The following FAR1 variants were observed in gnomAD, a reference collection of about 807,000 sequenced individuals.
FAR1 encodes fatty acyl-CoA reductase 1.
FAR1 carries 22 observed loss-of-function variants against 61.1 expected under a neutral mutation model. The observed-to-expected ratio is 0.36, with a 90% CI of 0.26 to 0.51. FAR1 has a LOEUF of 0.51. Among genes scored for constraint, FAR1 ranks in the 20% least tolerant of loss-of-function variants. The pLI, the probability that FAR1 is intolerant of heterozygous loss-of-function variation, is 0.95. For missense variants in FAR1, 359 were observed against 626.9 expected, an observed-to-expected ratio of 0.57 and a Z score of 4.56; for synonymous variants, 206 against 209.7, an observed-to-expected ratio of 0.98 and a Z score of 0.15.
chr11:13,727,501 T>C, intron 10 of FAR1, 55 bp from the exon 11 acceptor site: 1 of 1,514,514 alleles, frequency 6.6e-7, no homozygotes, highest in Non-Finnish European at 8.9e-7. Flanking sequence ...AATTTCTGAC[T>C]GGTTGTGAGA....
At chr11:13,685,845 C>A (rs1167231098) in intron 1 of FAR1, among the ~76,000 whole-genome samples, 1 of 152,126 alleles carries the variant, frequency 6.6e-6, no homozygotes, top group African/African-American at 2.4e-5. Flanking sequence ...TTCTGTGGAG[C>A]AGATTTTTGT....
At chr11:13,727,755 T>A in intron 11 of FAR1, 72 bp downstream of exon 11, 1 of 1,400,658 alleles carries the variant, frequency 7.1e-7, no homozygotes, top group South Asian at 1.4e-5. Context: ...TTTGGTAAAC[T>A]GGTATATTTG....
chr11:13,708,573 A>G (rs191998265), intron 4 of FAR1, among the ~76,000 whole-genome samples: 1 of 152,152 alleles, frequency 6.6e-6, no homozygotes, highest in Admixed American at 6.5e-5. Flanking sequence ...GTCAATGTGT[A>G]GTTTTCACTT....
chr11:13,718,577 C>T (rs1254669729), intron 9 of FAR1, among the ~76,000 whole-genome samples: 1 of 152,138 alleles, frequency 6.6e-6, no homozygotes, highest in Admixed American at 6.5e-5. Flanking sequence ...AAGCCAATAC[C>T]ACATGTTTTA....
intron 1 of FAR1, among the ~76,000 whole-genome samples, chr11:13,689,499 A>T (rs979111697): frequency 6.6e-6 from 1 of 152,276 alleles, no homozygotes; most frequent in African/African-American, 2.4e-5. Flanking sequence ...ATTGTTTTTA[A>T]ATATTTCATC....
At chr11:13,723,087 C>T (rs913472656) in intron 10 of FAR1, among the ~76,000 whole-genome samples, 1 of 151,818 alleles carries the variant, frequency 6.6e-6, no homozygotes, top group African/African-American at 2.4e-5. Flanking sequence ...AACTTTTTTG[C>T]TGGTCATAGT....
intron 1 of FAR1, among the ~76,000 whole-genome samples, chr11:13,683,515 A>G (rs1848152783): frequency 6.6e-6 from 1 of 152,036 alleles, no homozygotes. Flanking sequence ...TTTGCTCAAA[A>G]CTGTCTCTTC....
chr11:13,703,033 A>G (rs946106760), intron 3 of FAR1, among the ~76,000 whole-genome samples: 3 of 152,134 alleles, frequency 2.0e-5, no homozygotes, highest in Non-Finnish European at 2.9e-5. Context: ...AGCCCTTGTC[A>G]TTACATTGAA....
At chr11:13,718,888 CCCTCTCCATGTGG>C (rs925492260) in intron 9 of FAR1, among the ~76,000 whole-genome samples, 1 of 152,104 alleles carries the variant, frequency 6.6e-6, no homozygotes, top group Non-Finnish European at 1.5e-5. Context: ...TAGTGTCATA[CCCTCTCCATGTGG>C]CCTCTCCATA....
chr11:13,707,468 A>G (rs1036475029), intron 3 of FAR1, among the ~76,000 whole-genome samples: 1 of 152,194 alleles, frequency 6.6e-6, no homozygotes, highest in Non-Finnish European at 1.5e-5. Context: ...TATCACCCTT[A>G]TTAGTGACTC....
intron 4 of FAR1, among the ~76,000 whole-genome samples, chr11:13,710,077 A>G (rs1049488544): frequency 2.0e-5 from 3 of 152,090 alleles, no homozygotes; most frequent in East Asian, 1.9e-4. Context: ...ATTGTTCATC[A>G]TAGCATTTGT....
chr11:13,708,447 G>GCGCACACA (rs139902063), intron 4 of FAR1, among the ~76,000 whole-genome samples: 9,793 of 136,444 alleles, frequency 0.072, 360 homozygotes, highest in Non-Finnish European at 0.085. Context: ...GCGCGCGCGC[G>GCGCACACA]CACACACACA....
chr11:13,724,417 G>C (rs945884249), intron 10 of FAR1, among the ~76,000 whole-genome samples: 4 of 151,978 alleles, frequency 2.6e-5, no homozygotes, highest in African/African-American at 9.7e-5. Flanking sequence ...AGGCGTGGTG[G>C]CGCATGCCTG....
At chr11:13,681,217 A>AT (rs1269320240) in intron 1 of FAR1, among the ~76,000 whole-genome samples, 1 of 152,162 alleles carries the variant, frequency 6.6e-6, no homozygotes, top group African/African-American at 2.4e-5. Flanking sequence ...ATGAGTCCAT[A>AT]TTTTTAAAAT....
intron 1 of FAR1, among the ~76,000 whole-genome samples, chr11:13,676,391 T>C (rs1321614659): frequency 6.6e-6 from 1 of 152,112 alleles, no homozygotes; most frequent in African/African-American, 2.4e-5. Context: ...TACCTTTTTT[T>C]CCCCCAGAAG....
chr11:13,675,574 C>T lies in FAR1; in HGVS notation c.-8+6768C>T, dbSNP rs371845778. Among the ~76,000 whole-genome samples the T allele has an allele frequency of 5.3e-3, 801 of 152,298 alleles. 22 individuals are homozygous for T. The South Asian group carries it at 0.058, about 11-fold the overall frequency. The stretch of plus-strand genomic sequence containing the variant: ...GGTTGCTGTAGCAGAAATTAGGACA[C>T]ACTACTTTGTGAATATATCACTGTT... On this transcript the variant is annotated intron_variant, in intron 1 of 11. Coordinates refer to ENST00000354817, the MANE Select transcript of FAR1 (RefSeq NM_032228.6).
intron 3 of FAR1, among the ~76,000 whole-genome samples, chr11:13,701,258 A>T (rs568066941): frequency 8.1e-4 from 123 of 152,144 alleles, no homozygotes; most frequent in Non-Finnish European, 1.4e-3. Context: ...TGTTTTAAAG[A>T]TAAATAACTA....
At chr11:13,674,184 C>G (rs1406189086) in intron 1 of FAR1, among the ~76,000 whole-genome samples, 1 of 151,908 alleles carries the variant, frequency 6.6e-6, no homozygotes, top group Non-Finnish European at 1.5e-5. Flanking sequence ...TGGCGCCCAC[C>G]TGTAGTCCCA....
At chr11:13,681,912 T>C (rs191673513) in intron 1 of FAR1, among the ~76,000 whole-genome samples, 2 of 152,326 alleles carry the variant, frequency 1.3e-5, no homozygotes, top group East Asian at 3.9e-4. Flanking sequence ...TATTATTATA[T>C]CAAGTTTTTG....
Sources: allele counts gnomAD v4.1 joint callset (sites outside exome capture counted in the v4.1 genomes callset), GRCh38; gene constraint gnomAD v4.1.1; transcripts MANE v1.5; gene names NCBI Gene and HGNC (gene_info 2026-07-23, HGNC 2026-07-21).